FANCI: variants seen among roughly 807,000 people sequenced by gnomAD.
FANCI encodes the protein FA complementation group I.
Under a neutral mutation model 176.1 loss-of-function variants are expected in FANCI, and 156 were observed. That is an observed-to-expected ratio of 0.89 (90% CI 0.78 to 1.01). The LOEUF (loss-of-function observed/expected upper bound fraction) is 1.01. Among genes scored for constraint, FANCI ranks in the 50% least tolerant of loss-of-function variants. The pLI, the probability that FANCI is intolerant of heterozygous loss-of-function variation, is 0.00. For missense variants in FANCI, 1,678 were observed against 1,534.1 expected (o/e 1.09, Z -1.57); for synonymous variants, 613 against 541.7 (o/e 1.13, Z -1.83).
In FANCI at chr15:89,305,360, C is replaced by G. The variant is rs763822728; in HGVS notation, c.3206C>G (p.Thr1069Arg). 18 of 1,614,134 alleles carry G rather than the reference C, an allele frequency of 1.1e-5. No homozygotes were observed. Among genetic ancestry groups the G allele is most frequent in the Non-Finnish European group, 1.4e-5 (17 of 1,180,030 alleles). Residue 1069 changes from threonine (T) to arginine (R), a missense_variant, in exon 30 of 38, where the codon ACA becomes AGA. Coordinates refer to ENST00000310775, the MANE Select transcript of FANCI (RefSeq NM_001113378.2). Reference sequence around the variant, plus strand: ...CCCCAGGATGTAGAGGTGGAGAAAACAAACCACTTTGCAATAGTGAATTTG... The same window carrying G: ...CCCCAGGATGTAGAGGTGGAGAAAAGAAACCACTTTGCAATAGTGAATTTG... ...DIDQDVEVEK[T>R]NHFAIVNLRT...
At chr15:89,277,310 TAAAACAAAA>T (rs1448474977) in intron 13 of FANCI, among the ~76,000 whole-genome samples, 1 of 134,016 alleles carries the variant, frequency 7.5e-6, no homozygotes, top group Non-Finnish European at 1.7e-5. Flanking sequence ...TTACTGAAAA[TAAAACAAAA>T]AAAGAATCAT....
intron 9 of FANCI, among the ~76,000 whole-genome samples, chr15:89,265,517 G>T (rs1232741828): frequency 6.8e-6 from 1 of 146,634 alleles, no homozygotes; most frequent in Non-Finnish European, 1.5e-5. Context: ...AAGGATTTTT[G>T]TTTTTTCTTT....
chr15:89,279,065 A>G (rs536767459), intron 14 of FANCI, among the ~76,000 whole-genome samples: 1 of 152,174 alleles, frequency 6.6e-6, no homozygotes. Flanking sequence ...GCTGCCACTC[A>G]TTGACTTCCT....
chr15:89,293,479 G>A (rs1329649863), intron 22 of FANCI, among the ~76,000 whole-genome samples: 1 of 152,146 alleles, frequency 6.6e-6, no homozygotes, highest in Non-Finnish European at 1.5e-5. Flanking sequence ...TTGAGGTCAG[G>A]AGTTCAAGAC....
chr15:89,258,636 A>G, intron 2 of FANCI, 68 bp from the exon 3 acceptor site: 1 of 1,151,060 alleles, frequency 8.7e-7, no homozygotes, highest in Non-Finnish European at 1.3e-6. Context: ...ACTTTTTCAT[A>G]TTGAGTGTTT....
intron 15 of FANCI, 83 bp from the exon 16 acceptor site, chr15:89,281,682 C>A: frequency 8.1e-7 from 1 of 1,236,730 alleles, no homozygotes; most frequent in Non-Finnish European, 1.2e-6. Context: ...CTTATAGAAG[C>A]CATATGGTAA....
At chr15:89,271,715 C>G (rs2053207334) in intron 10 of FANCI, among the ~76,000 whole-genome samples, 1 of 152,112 alleles carries the variant, frequency 6.6e-6, no homozygotes, top group Non-Finnish European at 1.5e-5. Flanking sequence ...GAACTCCTGA[C>G]CTCAAGTGAT....
At chr15:89,293,483 T>A (rs989548790) in intron 22 of FANCI, among the ~76,000 whole-genome samples, 32 of 152,108 alleles carry the variant, frequency 2.1e-4, no homozygotes, top group Non-Finnish European at 1.2e-4. Flanking sequence ...GGTCAGGAGT[T>A]CAAGACCAGC....
Position 89,260,753 on chromosome 15 carries a change from T to C in FANCI, c.198T>C (p.Arg66=), listed in dbSNP as rs957260439. Residue 66 remains arginine (R), a synonymous_variant, in exon 4 of 38, where the codon CGT becomes CGC. Transcript: ENST00000310775. ...AGGAAGCTGGAACACTTAGGAGACG[T>C]AAGATATACACTTGTTGTATCCAGT... ...CSEEAGTLRR[R]KIYTCCIQLV... The C allele has an allele frequency of 1.9e-6, 3 of 1,613,970 alleles. No individual in the cohort carries two copies. The highest frequency in any genetic ancestry group is 8.5e-7 in the Non-Finnish European group (1 of 1,179,958).
intron 10 of FANCI, among the ~76,000 whole-genome samples, chr15:89,268,829 G>C (rs1305865985): frequency 6.6e-6 from 1 of 151,976 alleles, no homozygotes; most frequent in African/African-American, 2.4e-5. Context: ...CTATTCAGCA[G>C]GAAACTCAAA....
At chr15:89,263,757 C>G in intron 7 of FANCI, 146 bp from the exon 8 acceptor site, 2 of 980,642 alleles carry the variant, frequency 2.0e-6, no homozygotes, top group Non-Finnish European at 1.5e-6. Flanking sequence ...TTATAATAAT[C>G]TATTATCTCT....
chr15:89,285,322 T>A, intron 18 of FANCI, 104 bp downstream of exon 18: 1 of 1,457,012 alleles, frequency 6.9e-7, no homozygotes, highest in Non-Finnish European at 9.4e-7. Flanking sequence ...TGCTCTTACT[T>A]GATGTAGTCA....
chr15:89,314,191 C>A (rs1270623881), intron 35 of FANCI, among the ~76,000 whole-genome samples: 1 of 149,870 alleles, frequency 6.7e-6, no homozygotes, highest in East Asian at 1.9e-4. Flanking sequence ...CACACACACA[C>A]ACACGTAGAA....
At chr15:89,309,969 T>C (rs2054891195) in intron 34 of FANCI, among the ~76,000 whole-genome samples, 2 of 152,206 alleles carry the variant, frequency 1.3e-5, no homozygotes, top group African/African-American at 4.8e-5. Context: ...GTCTGATGTG[T>C]TAAGCTCTTT....
chr15:89,313,921 AC>A (rs2055069675), intron 35 of FANCI, among the ~76,000 whole-genome samples: 2 of 151,142 alleles, frequency 1.3e-5, no homozygotes, highest in Non-Finnish European at 3.0e-5. Flanking sequence ...ACACACACAC[AC>A]ACACGTAGGA....
chr15:89,251,666 TG>T (rs781191760), intron 2 of FANCI, among the ~76,000 whole-genome samples: 1 of 152,070 alleles, frequency 6.6e-6, no homozygotes, highest in Non-Finnish European at 1.5e-5. Context: ...CATGATCAAG[TG>T]GGATTTAATA....
chr15:89,281,729 A>G, intron 15 of FANCI, 36 bp from the exon 16 acceptor site: 1 of 1,602,502 alleles, frequency 6.2e-7, no homozygotes, highest in Non-Finnish European at 8.5e-7. Flanking sequence ...CTAATAAGCA[A>G]ACTTGTTCTG....
intron 34 of FANCI, chr15:89,308,296 A>G: frequency 2.2e-6 from 1 of 449,376 alleles, no homozygotes; most frequent in Non-Finnish European, 2.9e-6. Flanking sequence ...GCAGCCCCCT[A>G]GTTTTAACAG....
chr15:89,263,602 G>A, intron 7 of FANCI, 142 bp downstream of exon 7: 1 of 842,486 alleles, frequency 1.2e-6, no homozygotes, highest in South Asian at 1.5e-5. Flanking sequence ...CAGATTCACA[G>A]ATTCCCTCCT....
Sources: allele counts gnomAD v4.1 joint callset (sites outside exome capture counted in the v4.1 genomes callset), GRCh38; gene constraint gnomAD v4.1.1; transcripts MANE v1.5; gene names NCBI Gene and HGNC (gene_info 2026-07-23, HGNC 2026-07-21).